Variants in ZNF326 observed in about 807,000 individuals in gnomAD.
ZNF326 encodes zinc finger protein 326.
In ZNF326, 30 loss-of-function variants were observed where a neutral mutation model predicts 63.1. The observed-to-expected ratio is 0.48, with a 90% confidence interval of 0.36 to 0.64. The LOEUF is 0.64. Ranked by LOEUF, ZNF326 falls within the 30% of genes least tolerant of loss-of-function variation. The pLI is 0.00. For synonymous variants in ZNF326, 194 were observed against 228.2 expected (o/e 0.85, Z 1.35); for missense variants, 609 against 720.3 (o/e 0.85, Z 1.77).
chr1:89,996,657 T>TGAACCC (rs1648390238), intron 1 of ZNF326, among the ~76,000 whole-genome samples: 1 of 151,794 alleles, frequency 6.6e-6, no homozygotes, highest in African/African-American at 2.4e-5. Context: ...AAGAATCCCT[T>TGAACCC]GAACCCGGGA....
At position 90,007,322 on chromosome 1, in the gene ZNF326, C is replaced by G; in HGVS notation, c.210-23C>G. On this transcript the variant is annotated intron_variant, in intron 4 of 11. Coordinates refer to ENST00000340281, the MANE Select transcript of ZNF326 (RefSeq NM_182976.4). This position sits in a 1 kb window ranked among gnomAD's most constrained non-coding sequence, Gnocchi z 4.9. Reference sequence around the variant, plus strand: ...ATTAGTAAGCTTACTTTTGTTTTTTCCCTCACTGTGCAACTTTTCCAGGTT... The same window carrying G: ...ATTAGTAAGCTTACTTTTGTTTTTTGCCTCACTGTGCAACTTTTCCAGGTT... 1 of 1,557,538 alleles carries G rather than the reference C, an allele frequency of 6.4e-7. No homozygotes were observed. Among genetic ancestry groups the G allele is most frequent in the Non-Finnish European group, 8.7e-7 (1 of 1,153,642 alleles).
chr1:90,012,256 G>C lies in ZNF326; in HGVS notation c.815-870G>C, dbSNP rs374414244. On this transcript the variant is annotated intron_variant, in intron 6 of 11. Transcript: ENST00000340281. Reference sequence around the variant, plus strand: ...AAAAATGTGGGTTATTCATACAATGGAATATTATTAAACCATAAAAAAGGA... The same window carrying C: ...AAAAATGTGGGTTATTCATACAATGCAATATTATTAAACCATAAAAAAGGA... Among the ~76,000 whole-genome samples the C allele has an allele frequency of 4.9e-3, 753 of 152,216 alleles. 5 individuals are homozygous for C. The highest frequency in any genetic ancestry group is 0.017 in the African/African-American group (708 of 41,542).
In ZNF326 at chr1:90,013,051, C is replaced by T. The variant is rs1649329081; in HGVS notation, c.815-75C>T. On this transcript the variant is annotated intron_variant, in intron 6 of 11. Coordinates refer to ENST00000340281, the MANE Select transcript of ZNF326 (RefSeq NM_182976.4). ...ACTAAGTATACCTCATAAGTATGTA[C>T]TTTACGAACTGATGATTGGAAAGAG... 4.2e-5 allele frequency: 55 copies of T among 1,305,698 alleles called. No homozygotes were observed. The South Asian group carries it at 7.8e-4, about 18-fold the overall frequency. 80.9% of individuals were successfully genotyped at this position (1,305,698 alleles called of 1,614,324 possible). A position where few individuals can be genotyped will look rare whatever the true frequency, so the allele number is the denominator to read the frequency against.
At chr1:90,017,498 A>G (rs760899930) in intron 8 of ZNF326, 34 bp downstream of exon 8, 33 of 1,539,578 alleles carry the variant, frequency 2.1e-5, no homozygotes, top group Non-Finnish European at 2.8e-5. Flanking sequence ...GAAGCATTTT[A>G]TTGATATGAA....
chr1:90,018,312 A>G (rs1649599785), intron 8 of ZNF326, among the ~76,000 whole-genome samples: 1 of 150,586 alleles, frequency 6.6e-6, no homozygotes, highest in Admixed American at 6.6e-5. Context: ...AAAAAAAGTG[A>G]CCTTTCAGAC....
At position 90,031,415 on chromosome 1, in the gene ZNF326, TA is replaced by T. The variant is rs1325017401; in HGVS notation, c.*3715del. Reference sequence around the variant, plus strand: ...GATATTATCAGATTATTTTAGATGTTATTCAACATTTGATTTATTTACCAAA... The same window carrying T: ...GATATTATCAGATTATTTTAGATGTTTTCAACATTTGATTTATTTACCAAA... On this transcript the variant is annotated 3_prime_UTR_variant, in exon 12 of 12. Transcript: ENST00000340281. 1 of 152,258 alleles carries T rather than the reference TA, an allele frequency of 6.6e-6. No homozygotes were observed. Among genetic ancestry groups the T allele is most frequent in the Non-Finnish European group, 1.5e-5 (1 of 68,052 alleles). The allele number at this position is 152,258 out of a possible 1,614,324, so 9.4% of individuals were successfully genotyped here.
At chr1:90,011,388 T>C (rs1381452188) in intron 6 of ZNF326, among the ~76,000 whole-genome samples, 1 of 152,114 alleles carries the variant, frequency 6.6e-6, no homozygotes, top group Non-Finnish European at 1.5e-5. Flanking sequence ...CAACATGTCA[T>C]AGTTTTAGCA....
chr1:90,020,407 A>G (rs562016352), intron 9 of ZNF326, among the ~76,000 whole-genome samples: 58 of 152,176 alleles, frequency 3.8e-4, no homozygotes, highest in African/African-American at 1.3e-3. Context: ...TTTGTTCCTT[A>G]TGAATCCAGT....
chr1:90,004,265 AT>A (rs1178929418), intron 2 of ZNF326, among the ~76,000 whole-genome samples: 3 of 151,940 alleles, frequency 2.0e-5, no homozygotes, highest in African/African-American at 7.3e-5. Context: ...AGTGCCATAG[AT>A]TGGTCTCAAT....
At chr1:90,011,268 A>T (rs1220414762) in intron 6 of ZNF326, among the ~76,000 whole-genome samples, 1 of 152,134 alleles carries the variant, frequency 6.6e-6, no homozygotes, top group Non-Finnish European at 1.5e-5. Context: ...TAAAAAGATG[A>T]TTGCTGAATT....
chr1:90,019,245 A>G (rs1489059289), intron 9 of ZNF326, among the ~76,000 whole-genome samples: 1 of 152,216 alleles, frequency 6.6e-6, no homozygotes, highest in Non-Finnish European at 1.5e-5. Flanking sequence ...AAAGAAAAAC[A>G]GACACTAGTT....
intron 7 of ZNF326, among the ~76,000 whole-genome samples, chr1:90,015,603 T>C (rs1649466176): frequency 1.3e-5 from 2 of 152,030 alleles, no homozygotes; most frequent in Admixed American, 1.3e-4. Context: ...TAGCTTGAGC[T>C]TGGGAGGTGG....
At chr1:90,004,676 G>T (rs1349890029) in intron 2 of ZNF326, among the ~76,000 whole-genome samples, 4 of 151,630 alleles carry the variant, frequency 2.6e-5, no homozygotes, top group African/African-American at 7.3e-5. Flanking sequence ...CACGGTGAAA[G>T]CCCATCTCTA....
chr1:90,022,144 A>T, intron 10 of ZNF326, 106 bp from the exon 11 acceptor site: 1 of 774,688 alleles, frequency 1.3e-6, no homozygotes. Context: ...GTAAGAAGAT[A>T]AGTCATTTAA....
chr1:90,027,514 T>C lies in ZNF326; in HGVS notation c.1562T>C (p.Val521Ala). Reference protein sequence around the residue: ...EVGEVEEVEEVEEVREGGIEG... With the variant: ...EVGEVEEVEEAEEVREGGIEG... The stretch of plus-strand genomic sequence containing the variant: ...GGGGAAGTAGAGGAAGTGGAAGAAG[T>C]AGAGGAAGTGAGAGAAGGAGGAATA... The change falls in exon 12 of 12, where the codon GTA becomes GCA. Residue 521 changes from valine (V) to alanine (A), a missense_variant. By Grantham distance (64) the Val-to-Ala change is moderately conservative. Around this residue, in one of 3 missense-constraint regions of ZNF326, gnomAD observed 399 missense variants for 444.3 expected, o/e 0.90. Coordinates refer to ENST00000340281, the MANE Select transcript of ZNF326 (RefSeq NM_182976.4). 6.2e-7 allele frequency: 1 copy of C among 1,607,014 alleles called. No homozygotes were observed. The highest frequency in any genetic ancestry group is 2.2e-5 in the East Asian group (1 of 44,606).
At position 90,029,652 on chromosome 1, in the gene ZNF326, A is replaced by T. The variant is rs927878591; in HGVS notation, c.*1951A>T. 2 of 152,164 alleles carry T rather than the reference A, an allele frequency of 1.3e-5. No individual in the cohort carries two copies. The highest frequency in any genetic ancestry group is 2.9e-5 in the Non-Finnish European group (2 of 68,022). The allele number at this position is 152,164 out of a possible 1,614,324, so 9.4% of individuals were successfully genotyped here. A position where few individuals can be genotyped will look rare whatever the true frequency, so the allele number is the denominator to read the frequency against. ...CAATGTCTCTGGTAGTCTGATTGAG[A>T]TATGAAACTTTTGGGAAGAAAACCA... is the stretch of plus-strand genomic sequence containing the variant. On this transcript the variant is annotated 3_prime_UTR_variant, in exon 12 of 12. Transcript: ENST00000340281.
At position 90,004,798 on chromosome 1, in the gene ZNF326, CTTTTT is replaced by C. The variant is rs34878438; in HGVS notation, c.62-188_62-184del. ...TATGTTTTTCTTTGAAATATCAGGG[CTTTTT>C]TTTTTTTTTTTTTTTTAGCAAATTT... On this transcript the variant is annotated intron_variant, in intron 2 of 11. Transcript: ENST00000340281. 8.8e-5 allele frequency among the ~76,000 whole-genome samples: 6 copies of C among 68,126 alleles called. No individual in the cohort carries two copies. In the South Asian group the frequency reaches 2.4e-3, roughly 28 times the overall value. 44.7% of individuals were successfully genotyped at this position (68,126 alleles called of 152,430 possible).
At chr1:90,021,668 A>C (rs1208659972) in intron 10 of ZNF326, among the ~76,000 whole-genome samples, 1 of 152,160 alleles carries the variant, frequency 6.6e-6, no homozygotes, top group East Asian at 1.9e-4. Context: ...TTAAAGCCTT[A>C]AGTTTTAAAT....
At chr1:90,011,118 G>T (rs1450270402) in intron 6 of ZNF326, among the ~76,000 whole-genome samples, 1 of 152,086 alleles carries the variant, frequency 6.6e-6, no homozygotes, top group African/African-American at 2.4e-5. Flanking sequence ...AAACTGATTT[G>T]CCCTTAAAGC....
Sources: allele counts gnomAD v4.1 joint callset (sites outside exome capture counted in the v4.1 genomes callset), GRCh38; gene constraint gnomAD v4.1.1; regional missense constraint gnomAD v4.1.1; non-coding constraint Gnocchi (gnomAD v3.1); transcripts MANE v1.5; gene names NCBI Gene and HGNC (gene_info 2026-07-23, HGNC 2026-07-21).